Variants in MUC20 observed in about 807,000 individuals in gnomAD.
The protein encoded by MUC20 is mucin-20.
In MUC20, 14 loss-of-function variants were observed where a neutral mutation model predicts 23.8. The observed-to-expected ratio is 0.59, with a 90% CI of 0.39 to 0.92. The LOEUF (loss-of-function observed/expected upper bound fraction) is 0.92, where lower values mean the gene tolerates loss of function less well. MUC20 is among the 40% of genes least tolerant of loss of function. The probability of loss-of-function intolerance (pLI) is 0.00; values close to 1 mark genes in which losing one functional copy is unlikely to be tolerated. For synonymous variants in MUC20, 166 were observed against 279.3 expected (o/e 0.59, Z 4.04); for missense variants, 375 against 668.8 (o/e 0.56, Z 4.85).
Position 195,733,310 on chromosome 3 carries a change from C to T in MUC20, c.*92C>T. On this transcript the variant is annotated 3_prime_UTR_variant, in exon 4 of 4. Transcript: ENST00000447234. ...CCACCGACAGACTGCAGCTGCGTTA[C>T]TGTGCTGAGAGGTACCCAGAAGGTT... 6.5e-7 allele frequency: 1 copy of T among 1,545,456 alleles called. No individual in the cohort carries two copies. Among genetic ancestry groups the T allele is most frequent in the South Asian group, 1.2e-5 (1 of 82,804 alleles).
intron 2 of MUC20, among the ~76,000 whole-genome samples, chr3:195,728,780 G>A (rs191704518): frequency 3.3e-3 from 499 of 152,170 alleles, no homozygotes; most frequent in African/African-American, 0.011. Context: ...TGCTTTCAAG[G>A]GCAGAGGTCC....
intron 2 of MUC20, chr3:195,729,265 C>A: frequency 4.3e-6 from 1 of 232,410 alleles, no homozygotes; most frequent in Admixed American, 5.3e-5. Flanking sequence ...ATTTTCTGCA[C>A]ATGAAATGTA....
intron 3 of MUC20, among the ~76,000 whole-genome samples, chr3:195,731,517 T>C (rs1236722806): frequency 6.6e-6 from 1 of 152,168 alleles, no homozygotes; most frequent in Non-Finnish European, 1.5e-5. Flanking sequence ...GCTTGGAAAA[T>C]AGGCAGGAGG....
chr3:195,729,480 C>A, intron 2 of MUC20, 168 bp from the exon 3 acceptor site: 1 of 665,858 alleles, frequency 1.5e-6, no homozygotes, highest in Non-Finnish European at 2.6e-6. Context: ...CCATGCCCGG[C>A]TCATTTTGTG....
chr3:195,726,726 C>T (rs1381955892), intron 2 of MUC20, among the ~76,000 whole-genome samples, 154 bp downstream of exon 2: 5 of 152,112 alleles, frequency 3.3e-5, no homozygotes, highest in African/African-American at 4.8e-5. Flanking sequence ...TGGTTCTTGG[C>T]GAAATCAGGA....
At chr3:195,732,092 C>A (rs1416358731) in intron 3 of MUC20, among the ~76,000 whole-genome samples, 1 of 152,240 alleles carries the variant, frequency 6.6e-6, no homozygotes, top group Non-Finnish European at 1.5e-5. Context: ...CAACCTCCGC[C>A]TCCCAGGTTC....
intron 2 of MUC20, among the ~76,000 whole-genome samples, chr3:195,727,227 C>T (rs952043902): frequency 6.6e-6 from 1 of 152,266 alleles, no homozygotes; most frequent in Non-Finnish European, 1.5e-5. Context: ...TGGTGAAACC[C>T]CATCTCTACT....
chr3:195,733,200 G>A lies in MUC20; in HGVS notation c.2112G>A (p.Leu704=), dbSNP rs774692404. 6.3e-7 allele frequency: 1 copy of A among 1,594,146 alleles called. No individual in the cohort carries two copies. Among genetic ancestry groups the A allele is most frequent in the Admixed American group, 1.7e-5 (1 of 57,300 alleles). Residue 704 remains leucine, a synonymous_variant, in exon 4 of 4, where the codon CTG becomes CTA. Transcript: ENST00000447234. ...AHAPHFQVSL[L]RVRRG ...CGCCTCACTTCCAGGTCTCCTTACT[G>A]CGTGTCAGGAGAGGCTAACGGACAT...
intron 2 of MUC20, among the ~76,000 whole-genome samples, chr3:195,728,001 G>C (rs1302420806): frequency 6.6e-6 from 1 of 152,292 alleles, no homozygotes; most frequent in Non-Finnish European, 1.5e-5. Context: ...CTTTGCATAT[G>C]TTATCTCCTC....
intron 3 of MUC20, among the ~76,000 whole-genome samples, chr3:195,731,883 G>T (rs750806966): frequency 6.6e-6 from 1 of 152,244 alleles, no homozygotes; most frequent in Non-Finnish European, 1.5e-5. Context: ...ACGGGGGCTC[G>T]ACACCCGATG....
chr3:195,731,213 C>T (rs192344202), intron 3 of MUC20, among the ~76,000 whole-genome samples: 245 of 152,356 alleles, frequency 1.6e-3, no homozygotes, highest in Non-Finnish European at 2.9e-3. Context: ...GCATTCAGCA[C>T]CTCTCACAGT....
At chr3:195,730,286 G>T (rs1321308737) in intron 3 of MUC20, among the ~76,000 whole-genome samples, 1 of 152,240 alleles carries the variant, frequency 6.6e-6, no homozygotes, top group Non-Finnish European at 1.5e-5. Flanking sequence ...AGCCTTGTTA[G>T]CCATAGATTC....
At position 195,729,678 on chromosome 3, in the gene MUC20, T is replaced by C. The variant is rs201857816; in HGVS notation, c.2000T>C (p.Leu667Pro). 4.9e-4 allele frequency: 775 copies of C among 1,594,582 alleles called. No individual in the cohort carries two copies. The African/African-American group carries it at 9.6e-3, about 20-fold the overall frequency. The change falls in exon 3 of 4, where the codon CTG (leucine) becomes CCG (proline). Residue 667 changes from leucine to proline, a missense_variant. Leu to Pro is a moderately conservative substitution (Grantham distance 98, BLOSUM62 -3). Coordinates refer to ENST00000447234, the MANE Select transcript of MUC20 (RefSeq NM_001282506.2). ...GENGGFLLLR[L>P]SVASPEDLTD... ...AATGGAGGTTTCCTCCTCCTGCGGC[T>C]GAGTGTGGCTTCCCCGGAAGACCTC...
At chr3:195,727,236 C>G (rs1217045439) in intron 2 of MUC20, among the ~76,000 whole-genome samples, 1 of 152,244 alleles carries the variant, frequency 6.6e-6, no homozygotes, top group African/African-American at 2.4e-5. Context: ...CCCATCTCTA[C>G]TAAAAATATG....
intron 3 of MUC20, among the ~76,000 whole-genome samples, chr3:195,732,312 G>C (rs1368527693): frequency 6.6e-6 from 1 of 152,148 alleles, no homozygotes; most frequent in African/African-American, 2.4e-5. Flanking sequence ...GTCCGGCTGG[G>C]AAGCCAGTTT....
At chr3:195,729,291 A>G (rs1713094999) in intron 2 of MUC20, 1 of 289,284 alleles carries the variant, frequency 3.5e-6, no homozygotes, top group African/African-American at 2.2e-5. Context: ...GGAAGCAAAT[A>G]TATGTGACTA....
chr3:195,728,770 T>A (rs542862422), intron 2 of MUC20, among the ~76,000 whole-genome samples: 7 of 152,236 alleles, frequency 4.6e-5, no homozygotes, highest in African/African-American at 7.2e-5. Flanking sequence ...GACAATAACC[T>A]GCTTTCAAGG....
rs991504828 is a variant in MUC20 at position 195,729,817 on chromosome 3, C to T, written c.2061+78C>T. 8.9e-6 allele frequency: 12 copies of T among 1,350,964 alleles called. No homozygotes were observed. The African/African-American group carries it at 1.2e-4, about 13-fold the overall frequency. 83.7% of individuals were successfully genotyped at this position (1,350,964 alleles called of 1,614,324 possible). A position where few individuals can be genotyped will look rare whatever the true frequency, so the allele number is the denominator to read the frequency against. On this transcript the variant is annotated intron_variant, in intron 3 of 3. Coordinates refer to ENST00000447234, the MANE Select transcript of MUC20 (RefSeq NM_001282506.2). Reference sequence around the variant, plus strand: ...GGGGCTGCAGGGAAGACCCGCAGGACACAGAAGAGCAGCTACCGCGCTTGG... The same window carrying T: ...GGGGCTGCAGGGAAGACCCGCAGGATACAGAAGAGCAGCTACCGCGCTTGG...
At chr3:195,731,178 G>A (rs1713353932) in intron 3 of MUC20, among the ~76,000 whole-genome samples, 1 of 152,220 alleles carries the variant, frequency 6.6e-6, no homozygotes, top group Non-Finnish European at 1.5e-5. Context: ...CAATGGGACA[G>A]TGCCCTTGCT....
Sources: allele counts gnomAD v4.1 joint callset (sites outside exome capture counted in the v4.1 genomes callset), GRCh38; gene constraint gnomAD v4.1.1; transcripts MANE v1.5; gene names NCBI Gene and HGNC (gene_info 2026-07-23, HGNC 2026-07-21).